Variants in PRKN observed in about 807,000 individuals in gnomAD.
PRKN encodes parkin RBR E3 ubiquitin protein ligase, also known as E3 ubiquitin-protein ligase parkin.
PRKN carries 56 observed loss-of-function variants against 59.5 expected under a neutral mutation model. The ratio of observed to expected loss-of-function variants is 0.94; its 90% CI spans 0.76 to 1.18. The LOEUF (loss-of-function observed/expected upper bound fraction) is 1.18, where lower values mean the gene tolerates loss of function less well. PRKN is among the 50% of genes most tolerant of loss of function. The probability of loss-of-function intolerance (pLI) is 0.00; values close to 1 mark genes in which losing one functional copy is unlikely to be tolerated. For synonymous variants in PRKN, 250 were observed against 222.1 expected, an observed-to-expected ratio of 1.13 and a Z score of -1.12; for missense variants, 657 against 596.4, an observed-to-expected ratio of 1.10 and a Z score of -1.06.
chr6:162,525,149 C>T (rs966413745), intron 1 of PRKN, among the ~76,000 whole-genome samples: 1 of 152,160 alleles, frequency 6.6e-6, no homozygotes, highest in Non-Finnish European at 1.5e-5. Context: ...GTTAGTCCTG[C>T]TTAGTCCTAG....
At chr6:162,167,262 T>C (rs566726283) in intron 4 of PRKN, among the ~76,000 whole-genome samples, 1 of 152,332 alleles carries the variant, frequency 6.6e-6, no homozygotes, top group African/African-American at 2.4e-5. Flanking sequence ...AGCTTGTATG[T>C]TGGCATCACA....
At chr6:161,888,939 T>C (rs971126106) in intron 6 of PRKN, among the ~76,000 whole-genome samples, 1 of 152,182 alleles carries the variant, frequency 6.6e-6, no homozygotes, top group Non-Finnish European at 1.5e-5. Context: ...ATAAAGTTCA[T>C]TACCCTATTC....
chr6:162,412,318 G>T (rs1478448935), intron 2 of PRKN, among the ~76,000 whole-genome samples: 4 of 152,048 alleles, frequency 2.6e-5, no homozygotes, highest in Admixed American at 2.6e-4. Context: ...AATCTAGAAG[G>T]TGTCTGGACT....
At chr6:161,990,710 A>T (rs1282077532) in intron 5 of PRKN, among the ~76,000 whole-genome samples, 3 of 152,146 alleles carry the variant, frequency 2.0e-5, no homozygotes, top group Non-Finnish European at 2.9e-5. Flanking sequence ...CAGTTAAAAA[A>T]TTTTAAAAAA....
chr6:162,527,721 T>C (rs1778345711), intron 1 of PRKN, among the ~76,000 whole-genome samples: 2 of 152,204 alleles, frequency 1.3e-5, no homozygotes, highest in South Asian at 2.1e-4. Context: ...TGTGTTTTAA[T>C]TTTTAAAAGG....
At chr6:162,138,074 T>A (rs7759555) in intron 4 of PRKN, among the ~76,000 whole-genome samples, 21,943 of 151,710 alleles carry the variant, frequency 0.14, 1,860 homozygotes, top group African/African-American at 0.23. Flanking sequence ...TTTAGGGAGG[T>A]TAAGGAAACT....
chr6:161,635,045 A>T (rs893521584), intron 7 of PRKN, among the ~76,000 whole-genome samples: 1 of 152,112 alleles, frequency 6.6e-6, no homozygotes. Context: ...CCGTAATTAA[A>T]ACGGGAGACT....
intron 3 of PRKN, among the ~76,000 whole-genome samples, chr6:162,202,878 TAGA>T (rs750091093): frequency 9.8e-5 from 15 of 152,304 alleles, no homozygotes; most frequent in Middle Eastern, 3.4e-3. Context: ...AAGAAGTGCT[TAGA>T]AGAAGAACCT....
At chr6:162,094,934 T>C (rs1300116101) in intron 4 of PRKN, among the ~76,000 whole-genome samples, 1 of 152,184 alleles carries the variant, frequency 6.6e-6, no homozygotes, top group Admixed American at 6.5e-5. Flanking sequence ...TGTGTATTCA[T>C]GCAAATAGTA....
chr6:161,662,489 C>T (rs992383127), intron 7 of PRKN, among the ~76,000 whole-genome samples: 1 of 152,156 alleles, frequency 6.6e-6, no homozygotes, highest in African/African-American at 2.4e-5. Context: ...GCAGGTGCAG[C>T]AGCCTCCAGG....
At chr6:161,427,460 GA>G (rs1271229308) in intron 9 of PRKN, among the ~76,000 whole-genome samples, 2 of 152,146 alleles carry the variant, frequency 1.3e-5, no homozygotes, top group Non-Finnish European at 2.9e-5. Context: ...ACACAGCTGG[GA>G]TTAGAACTCA....
At chr6:162,686,411 G>A (rs1777554670) in intron 1 of PRKN, among the ~76,000 whole-genome samples, 4 of 152,142 alleles carry the variant, frequency 2.6e-5, no homozygotes, top group African/African-American at 7.2e-5. Context: ...TTTTGGAGGA[G>A]AAGTTTTTGT....
At chr6:161,786,144 T>C (rs1280489918) in intron 6 of PRKN, among the ~76,000 whole-genome samples, 1 of 152,210 alleles carries the variant, frequency 6.6e-6, no homozygotes, top group East Asian at 1.9e-4. Flanking sequence ...TGTTAACACA[T>C]TTATCAATCT....
chr6:162,525,850 G>A (rs1416533530), intron 1 of PRKN, among the ~76,000 whole-genome samples: 3 of 152,104 alleles, frequency 2.0e-5, no homozygotes, highest in Non-Finnish European at 4.4e-5. Flanking sequence ...TTTTTAAATT[G>A]TTAATTTATT....
Position 162,234,716 on chromosome 6 carries a change from T to G in PRKN, c.412+27809A>C, listed in dbSNP as rs911202176. Among the ~76,000 whole-genome samples the G allele has an allele frequency of 2.0e-4, 31 of 152,358 alleles. 1 individual carries two copies. The highest frequency in any genetic ancestry group is 7.2e-4 in the African/African-American group (30 of 41,588). ...TATTTTTTACTGCTTTTCCACCAAG[T>G]ATTTTTTATGGATTGGTTGAATCTG... On this transcript the variant is annotated intron_variant, in intron 3 of 11. Coordinates refer to ENST00000366898, the MANE Select transcript of PRKN (RefSeq NM_004562.3).
intron 4 of PRKN, among the ~76,000 whole-genome samples, chr6:162,058,200 C>T: frequency 6.6e-6 from 1 of 152,174 alleles, no homozygotes; most frequent in East Asian, 1.9e-4. Context: ...CAAAATTACC[C>T]TTGGCTTCAT....
chr6:161,425,322 G>C (rs559608160), intron 9 of PRKN, among the ~76,000 whole-genome samples: 2 of 152,154 alleles, frequency 1.3e-5, no homozygotes, highest in Non-Finnish European at 2.9e-5. Context: ...TACTCACAGC[G>C]TTGCCTTACA....
intron 1 of PRKN, among the ~76,000 whole-genome samples, chr6:162,499,210 C>G (rs1289043783): frequency 6.6e-6 from 1 of 152,126 alleles, no homozygotes; most frequent in African/African-American, 2.4e-5. Context: ...CTCCATGCCT[C>G]TGTAAATCTT....
chr6:161,806,608 G>T (rs74807160), intron 6 of PRKN, among the ~76,000 whole-genome samples: 179 of 152,244 alleles, frequency 1.2e-3, no homozygotes, highest in Non-Finnish European at 1.9e-3. Flanking sequence ...CTCTGATTCT[G>T]GAGGAGCGAG....
Sources: gnomAD v4.1 joint callset for allele counts (sites outside exome capture counted in the v4.1 genomes callset) on GRCh38, gnomAD v4.1.1 for gene constraint, MANE v1.5 for transcripts, NCBI Gene and HGNC (gene_info 2026-07-23, HGNC 2026-07-21) for gene names.